FAM193A: variants seen among roughly 807,000 people sequenced by gnomAD.
The protein encoded by FAM193A is protein FAM193A.
Under a neutral mutation model 126.5 loss-of-function variants are expected in FAM193A, and 22 were observed. The ratio of observed to expected loss-of-function variants is 0.17; its 90% confidence interval spans 0.12 to 0.25. The LOEUF is 0.25. Among genes scored for constraint, FAM193A ranks in the 10% least tolerant of loss-of-function variants. The probability of loss-of-function intolerance (pLI) is 1.00; values close to 1 mark genes in which losing one functional copy is unlikely to be tolerated. For synonymous variants in FAM193A, 761 were observed against 646.8 expected (o/e 1.18, Z -2.68); for missense variants, 1,675 against 1,672.8 (o/e 1.00, Z -0.02).
At chr4:2,702,426 G>A (rs879834118) in intron 19 of FAM193A, among the ~76,000 whole-genome samples, 3 of 152,096 alleles carry the variant, frequency 2.0e-5, no homozygotes, top group Non-Finnish European at 4.4e-5. Context: ...TCTCCAAGGA[G>A]CCCTCCTCTT....
At chr4:2,647,239 G>A (rs752470817) in intron 7 of FAM193A, among the ~76,000 whole-genome samples, 3 of 151,992 alleles carry the variant, frequency 2.0e-5, no homozygotes, top group Non-Finnish European at 4.4e-5. Flanking sequence ...TCCGCCTCCC[G>A]GGTTCAAGTG....
At chr4:2,583,330 A>G (rs1454852814) in intron 1 of FAM193A, among the ~76,000 whole-genome samples, 1 of 152,174 alleles carries the variant, frequency 6.6e-6, no homozygotes, top group Non-Finnish European at 1.5e-5. Flanking sequence ...CAGCTGTCTC[A>G]GTTCTTCTGC....
At position 2,646,928 on chromosome 4, in the gene FAM193A, C is replaced by T. The variant is rs964773639; in HGVS notation, c.1311+96C>T. The T allele has an allele frequency of 3.8e-6, 5 of 1,305,592 alleles. No individual in the cohort carries two copies. In the Middle Eastern group the frequency reaches 8.0e-4, roughly 208 times the overall value. 80.9% of individuals were successfully genotyped at this position (1,305,592 alleles called of 1,614,324 possible). A position where few individuals can be genotyped will look rare whatever the true frequency, so the allele number is the denominator to read the frequency against. On this transcript the variant is annotated intron_variant, in intron 7 of 20. Transcript: ENST00000637812. ...CACTAGCTTTGTCCTGAGCTGCAAG[C>T]CAGGAATTCCCGACTGAGGCCCAGA... is the stretch of plus-strand genomic sequence containing the variant.
At chr4:2,564,129 TGGA>T (rs1738792560) in intron 1 of FAM193A, among the ~76,000 whole-genome samples, 2 of 152,190 alleles carry the variant, frequency 1.3e-5, no homozygotes, top group Non-Finnish European at 2.9e-5. Context: ...GTCTAGGTGC[TGGA>T]GTGCAGTGGC....
intron 2 of FAM193A, among the ~76,000 whole-genome samples, chr4:2,611,259 T>TTCTA (rs1469088890): frequency 1.3e-5 from 2 of 150,214 alleles, no homozygotes; most frequent in East Asian, 3.9e-4. Context: ...AATCTGCATT[T>TTCTA]TCTATTTATT....
chr4:2,558,819 G>A (rs1560441983), intron 1 of FAM193A, among the ~76,000 whole-genome samples: 1 of 152,194 alleles, frequency 6.6e-6, no homozygotes, highest in Non-Finnish European at 1.5e-5. Flanking sequence ...TGGCCAACAT[G>A]GTGAAACCCC....
Position 2,689,620 on chromosome 4 carries a change from T to C in FAM193A, c.2446T>C (p.Ser816Pro). The change falls in exon 14 of 21, where the codon TCT becomes CCT. Residue 816 changes from serine (S) to proline (P), a missense_variant. Physicochemically the swap from Ser to Pro is moderately conservative, Grantham distance 74. Coordinates refer to ENST00000637812, the MANE Select transcript of FAM193A (RefSeq NM_001366318.2). ...TGGGAATACTCCAGAGTGGAATAGT[T>C]CTAAATTTATAAGTCTTTGGGGATC... ...CFGNTPEWNSSKFISLWGSEV... is the reference protein window; with the variant it reads ...CFGNTPEWNSPKFISLWGSEV... 1 of 1,572,938 alleles carries C rather than the reference T, an allele frequency of 6.4e-7. No individual in the cohort carries two copies. Among genetic ancestry groups the C allele is most frequent in the Non-Finnish European group, 8.6e-7 (1 of 1,165,484 alleles).
chr4:2,590,762 T>A (rs2108897464), intron 1 of FAM193A, among the ~76,000 whole-genome samples: 1 of 152,020 alleles, frequency 6.6e-6, no homozygotes, highest in Non-Finnish European at 1.5e-5. Flanking sequence ...GCGCAGTGGC[T>A]CACACCTGTA....
chr4:2,566,613 T>C (rs969100483), intron 1 of FAM193A, among the ~76,000 whole-genome samples: 29 of 151,906 alleles, frequency 1.9e-4, no homozygotes, highest in Non-Finnish European at 4.1e-4. Flanking sequence ...CACTTGAACC[T>C]GGGAGGCGAG....
intron 7 of FAM193A, among the ~76,000 whole-genome samples, chr4:2,649,373 TGAA>T (rs1745449893): frequency 7.7e-6 from 1 of 129,050 alleles, no homozygotes; most frequent in African/African-American, 3.3e-5. Context: ...AGACCCTGTC[TGAA>T]AAAAAAAAAA....
chr4:2,592,272 T>G (rs1054769031), intron 1 of FAM193A, among the ~76,000 whole-genome samples: 4 of 152,176 alleles, frequency 2.6e-5, no homozygotes, highest in African/African-American at 9.6e-5. Flanking sequence ...GTATTTTTAG[T>G]AGACACGGGG....
At chr4:2,679,655 G>C (rs1443258858) in intron 13 of FAM193A, among the ~76,000 whole-genome samples, 1 of 151,978 alleles carries the variant, frequency 6.6e-6, no homozygotes, top group African/African-American at 2.4e-5. Context: ...TGGGATTACA[G>C]GTGTGAGCCA....
At chr4:2,653,630 G>A (rs1217255364) in intron 7 of FAM193A, among the ~76,000 whole-genome samples, 1 of 152,116 alleles carries the variant, frequency 6.6e-6, no homozygotes, top group East Asian at 1.9e-4. Flanking sequence ...TTGTAGTAGA[G>A]ACAAGGTTTC....
At chr4:2,681,713 C>T (rs550762014) in intron 13 of FAM193A, among the ~76,000 whole-genome samples, 1 of 152,312 alleles carries the variant, frequency 6.6e-6, no homozygotes, top group South Asian at 2.1e-4. Context: ...GTCCTCCTGC[C>T]TCAGCCTCCC....
At chr4:2,535,818 G>A (rs1393484447), upstream of FAM193A, among the ~76,000 whole-genome samples, 4 of 152,200 alleles carry the variant, frequency 2.6e-5, no homozygotes, top group Non-Finnish European at 5.9e-5. Flanking sequence ...GGATAGCAGG[G>A]AGAGGGCGGG....
intron 1 of FAM193A, among the ~76,000 whole-genome samples, chr4:2,574,912 A>ATTC (rs1739498350): frequency 6.6e-6 from 1 of 152,208 alleles, no homozygotes. Flanking sequence ...GTTCTGGAGA[A>ATTC]TAGAAGCTTC....
At chr4:2,630,571 G>A (rs760863027) in intron 4 of FAM193A, among the ~76,000 whole-genome samples, 61 of 152,240 alleles carry the variant, frequency 4.0e-4, no homozygotes, top group African/African-American at 6.3e-4. Flanking sequence ...AGAAGTGGTA[G>A]CGTGCTCTTC....
At chr4:2,542,017 ATTT>A (rs1258017085) in intron 1 of FAM193A, among the ~76,000 whole-genome samples, 1 of 139,184 alleles carries the variant, frequency 7.2e-6, no homozygotes, top group African/African-American at 2.6e-5. Context: ...CACCTGGCAA[ATTT>A]TTTTTTTTTT....
Position 2,603,811 on chromosome 4 carries a change from C to T in FAM193A, c.501+7482C>T, listed in dbSNP as rs115419854. On this transcript the variant is annotated intron_variant, in intron 2 of 20. Transcript: ENST00000637812. ...TTCACCCGTGAATTATTTAGAAGTA[C>T]GTGTAAGTATCCAAACACATATCTC... Among the ~76,000 whole-genome samples, 1,315 of 151,870 alleles carry T rather than the reference C, an allele frequency of 8.7e-3. 16 individuals carry two copies. The highest frequency in any genetic ancestry group is 0.03 in the African/African-American group (1,258 of 41,428).
Sources: gnomAD v4.1 joint callset for allele counts (sites outside exome capture counted in the v4.1 genomes callset) on GRCh38, gnomAD v4.1.1 for gene constraint, MANE v1.5 for transcripts, NCBI Gene and HGNC (gene_info 2026-07-23, HGNC 2026-07-21) for gene names.